Variants in CSMD3 observed in about 807,000 individuals in gnomAD.
CSMD3 encodes CUB and Sushi multiple domains 3, also known as CUB and sushi domain-containing protein 3.
A neutral mutation model predicts 435.2 loss-of-function variants in CSMD3; 177 were observed. That is an observed-to-expected ratio of 0.41 (90% confidence interval 0.36 to 0.46). CSMD3 has a LOEUF of 0.46. Among genes scored for constraint, CSMD3 ranks in the 20% least tolerant of loss-of-function variants. CSMD3 has a pLI of 0.34. For missense variants in CSMD3, 4,265 were observed against 4,504.6 expected, an observed-to-expected ratio of 0.95 and a Z score of 1.52; for synonymous variants, 1,656 against 1,520.5, an observed-to-expected ratio of 1.09 and a Z score of -2.07.
intron 60 of CSMD3, among the ~76,000 whole-genome samples, chr8:112,264,210 T>A (rs1427245385): frequency 6.6e-6 from 1 of 152,140 alleles, no homozygotes; most frequent in Non-Finnish European, 1.5e-5. Flanking sequence ...TATCAGCATC[T>A]TAATCATGGA....
intron 27 of CSMD3, among the ~76,000 whole-genome samples, chr8:112,542,097 T>C (rs1408970665): frequency 3.5e-5 from 5 of 144,182 alleles, no homozygotes. Flanking sequence ...CAAAATTAAA[T>C]GCCTTTTCTT....
rs1354388081 is a variant in CSMD3 at position 113,410,951 on chromosome 8, A to AAGAAAGAG, written c.178+25725_178+25726insCTCTTTCT. On this transcript the variant is annotated intron_variant, in intron 1 of 70. Transcript: ENST00000297405. ...AAAGAAAGAAAGAAAGAAAGAAAGA[A>AAGAAAGAG]AGAGAAGGGAGGGAGGGAGGAAGAA... 4.2e-4 allele frequency among the ~76,000 whole-genome samples: 60 copies of AAGAAAGAG among 143,454 alleles called. No homozygotes were observed. The East Asian group carries it at 6.9e-3, about 16-fold the overall frequency. The allele number at this position is 143,454 out of a possible 152,430, so 94.1% of individuals were successfully genotyped here.
intron 3 of CSMD3, among the ~76,000 whole-genome samples, chr8:113,185,375 T>C (rs570757148): frequency 8.7e-4 from 132 of 152,204 alleles, no homozygotes; most frequent in African/African-American, 3.0e-3. Context: ...ATCATTATAC[T>C]GGCTTACTCC....
chr8:112,457,095 C>T (rs1816912297), intron 32 of CSMD3, among the ~76,000 whole-genome samples: 1 of 152,012 alleles, frequency 6.6e-6, no homozygotes, highest in Non-Finnish European at 1.5e-5. Context: ...GACTTTGCAT[C>T]CTTCTTCGGA....
intron 67 of CSMD3, among the ~76,000 whole-genome samples, chr8:112,234,876 A>G (rs559020926): frequency 6.6e-6 from 1 of 152,342 alleles, no homozygotes; most frequent in Non-Finnish European, 1.5e-5. Flanking sequence ...TTGCCAACTC[A>G]GTGAAAAACA....
intron 5 of CSMD3, among the ~76,000 whole-genome samples, chr8:113,021,729 T>G (rs1564218416): frequency 6.6e-6 from 1 of 152,202 alleles, no homozygotes; most frequent in Admixed American, 6.5e-5. Context: ...ATAGCTACTG[T>G]GTAACTGCAG....
intron 13 of CSMD3, among the ~76,000 whole-genome samples, chr8:112,718,503 G>A (rs1208490972): frequency 1.4e-5 from 2 of 148,010 alleles, no homozygotes; most frequent in African/African-American, 5.1e-5. Flanking sequence ...GCCTATGTGT[G>A]TGTATATATA....
chr8:112,919,712 G>A (rs2082678155), intron 10 of CSMD3, among the ~76,000 whole-genome samples: 2 of 151,806 alleles, frequency 1.3e-5, no homozygotes, highest in Non-Finnish European at 2.9e-5. Flanking sequence ...CATCTTGAGT[G>A]AAGGACACAA....
At chr8:113,169,424 T>C (rs1364231852) in intron 4 of CSMD3, among the ~76,000 whole-genome samples, 1 of 152,106 alleles carries the variant, frequency 6.6e-6, no homozygotes, top group Non-Finnish European at 1.5e-5. Flanking sequence ...CAACATTTTA[T>C]AGCATCACAT....
rs527948291 is a variant in CSMD3, at chr8:113,106,729, AT to A, written c.710-7767del. ...GAGGCAGCTGCCAGCCAGGACAAAT[AT>A]TTTAGTGCTTTTCACATCTAAGTGA... On this transcript the variant is annotated intron_variant, in intron 4 of 70. Transcript: ENST00000297405. Among the ~76,000 whole-genome samples the A allele has an allele frequency of 1.2e-4, 18 of 152,306 alleles. No homozygotes were observed. In the South Asian group the frequency reaches 2.3e-3, roughly 19 times the overall value.
intron 13 of CSMD3, among the ~76,000 whole-genome samples, chr8:112,720,305 TTTTTCTTTTC>T (rs145646990): frequency 0.33 from 49,905 of 151,232 alleles, 9,040 homozygotes; most frequent in African/African-American, 0.49. Context: ...GCTAGAAATT[TTTTTCTTTTC>T]TTTTCTTTTC....
intron 10 of CSMD3, among the ~76,000 whole-genome samples, chr8:112,867,139 G>T (rs2081007654): frequency 6.6e-6 from 1 of 152,190 alleles, no homozygotes; most frequent in African/African-American, 2.4e-5. Context: ...TGAGAGAAAT[G>T]GTGTGACTAT....
chr8:112,235,493 A>C (rs1357128514), intron 67 of CSMD3, among the ~76,000 whole-genome samples: 1 of 152,202 alleles, frequency 6.6e-6, no homozygotes, highest in Non-Finnish European at 1.5e-5. Flanking sequence ...TGGGAAGGTA[A>C]ATACAAGCAA....
chr8:112,720,692 A>G (rs2131966336), intron 13 of CSMD3, among the ~76,000 whole-genome samples: 1 of 152,258 alleles, frequency 6.6e-6, no homozygotes, highest in East Asian at 1.9e-4. Context: ...AAAACTTCCA[A>G]CGTGCCAAGC....
chr8:112,547,382 G>T (rs1483632410), intron 27 of CSMD3, among the ~76,000 whole-genome samples: 1 of 151,318 alleles, frequency 6.6e-6, no homozygotes, highest in Non-Finnish European at 1.5e-5. Context: ...GACCTCATCT[G>T]TACAAAAAAA....
intron 13 of CSMD3, among the ~76,000 whole-genome samples, chr8:112,778,548 C>T (rs1254047498): frequency 6.6e-6 from 1 of 151,830 alleles, no homozygotes; most frequent in African/African-American, 2.4e-5. Flanking sequence ...TAGATCATTT[C>T]TTTTTAGCGC....
intron 31 of CSMD3, among the ~76,000 whole-genome samples, chr8:112,479,663 C>T (rs1030938299): frequency 6.6e-6 from 1 of 152,192 alleles, no homozygotes; most frequent in Non-Finnish European, 1.5e-5. Flanking sequence ...CTGTAAAGTG[C>T]AAGCCATAAT....
At chr8:112,702,153 C>T (rs1188069208) in intron 13 of CSMD3, among the ~76,000 whole-genome samples, 1 of 152,072 alleles carries the variant, frequency 6.6e-6, no homozygotes, top group Admixed American at 6.6e-5. Context: ...GTTCTAGGCT[C>T]TTACATTTAA....
At chr8:112,534,595 A>G (rs1182364899) in intron 27 of CSMD3, among the ~76,000 whole-genome samples, 94 of 152,292 alleles carry the variant, frequency 6.2e-4, no homozygotes, top group Non-Finnish European at 2.9e-5. Context: ...AAATTCTACC[A>G]GAGGTACAAG....
Sources: allele counts gnomAD v4.1 joint callset (sites outside exome capture counted in the v4.1 genomes callset), GRCh38; gene constraint gnomAD v4.1.1; transcripts MANE v1.5; gene names NCBI Gene and HGNC (gene_info 2026-07-23, HGNC 2026-07-21).